Variants in WWP2 observed in about 807,000 individuals in gnomAD.
WWP2 encodes the protein WW domain containing E3 ubiquitin protein ligase 2, also known as NEDD4-like E3 ubiquitin-protein ligase WWP2.
Under a neutral mutation model 121.0 loss-of-function variants are expected in WWP2, and 57 were observed. The ratio of observed to expected loss-of-function variants is 0.47; its 90% CI spans 0.38 to 0.59. The LOEUF (loss-of-function observed/expected upper bound fraction) is 0.59, where lower values mean the gene tolerates loss of function less well. Among genes scored for constraint, WWP2 ranks in the 20% least tolerant of loss-of-function variants. The probability of loss-of-function intolerance (pLI) is 0.00; values close to 1 mark genes in which losing one functional copy is unlikely to be tolerated. For synonymous variants in WWP2, 449 were observed against 441.3 expected (o/e 1.02, Z -0.22); for missense variants, 962 against 1,158.9 (o/e 0.83, Z 2.47).
intron 6 of WWP2, among the ~76,000 whole-genome samples, chr16:69,843,908 G>A (rs1183658556): frequency 6.6e-6 from 1 of 152,068 alleles, no homozygotes; most frequent in Non-Finnish European, 1.5e-5. Flanking sequence ...TAGGGAGGGG[G>A]AATAATGCTT....
chr16:69,869,510 A>G (rs907692678), intron 6 of WWP2, among the ~76,000 whole-genome samples: 3 of 151,304 alleles, frequency 2.0e-5, no homozygotes, highest in African/African-American at 7.3e-5. Context: ...CACCTGGCTA[A>G]TTTTTTAAAT....
intron 9 of WWP2, among the ~76,000 whole-genome samples, chr16:69,915,409 T>C (rs1000542249): frequency 2.0e-5 from 3 of 152,108 alleles, no homozygotes; most frequent in East Asian, 1.9e-4. Context: ...ATAGCAAATA[T>C]GGCAAAAATC....
chr16:69,927,881 C>T (rs1360391035), intron 11 of WWP2, among the ~76,000 whole-genome samples: 1 of 152,170 alleles, frequency 6.6e-6, no homozygotes, highest in Non-Finnish European at 1.5e-5. Flanking sequence ...AGGCTGGTCT[C>T]GAACTCCTGG....
intron 6 of WWP2, among the ~76,000 whole-genome samples, chr16:69,858,575 A>T (rs1191458308): frequency 6.6e-6 from 1 of 151,838 alleles, no homozygotes; most frequent in Non-Finnish European, 1.5e-5. Context: ...CTGGGGTCCC[A>T]CTGCCTGCAC....
intron 6 of WWP2, among the ~76,000 whole-genome samples, chr16:69,846,071 G>A (rs200737728): frequency 0.2 from 9,555 of 46,830 alleles, 6 homozygotes; most frequent in Non-Finnish European, 0.22. Flanking sequence ...AAAAAAAAAA[G>A]AATACTTATC....
chr16:69,807,469 A>T (rs888621692), intron 4 of WWP2, among the ~76,000 whole-genome samples: 1 of 152,008 alleles, frequency 6.6e-6, no homozygotes, highest in African/African-American at 2.4e-5. Flanking sequence ...ATTTAAAAAA[A>T]TTAGCTAGGT....
chr16:69,774,344 C>A (rs910490178), intron 1 of WWP2, among the ~76,000 whole-genome samples: 7 of 152,052 alleles, frequency 4.6e-5, no homozygotes, highest in Non-Finnish European at 1.0e-4. Flanking sequence ...CAGCCTAGAC[C>A]TCCCAGGCTC....
At chr16:69,807,381 A>C (rs1344157387) in intron 4 of WWP2, among the ~76,000 whole-genome samples, 1 of 151,892 alleles carries the variant, frequency 6.6e-6, no homozygotes, top group African/African-American at 2.4e-5. Flanking sequence ...TTTGCTTTGT[A>C]CTTGTCTTTG....
chr16:69,821,132 GTCT>G (rs2056585907), intron 4 of WWP2, among the ~76,000 whole-genome samples: 1 of 152,212 alleles, frequency 6.6e-6, no homozygotes, highest in African/African-American at 2.4e-5. Flanking sequence ...ATTTCAGGCT[GTCT>G]TTAGCGGTCT....
chr16:69,795,102 G>A (rs1367322368), intron 2 of WWP2, among the ~76,000 whole-genome samples: 7 of 152,150 alleles, frequency 4.6e-5, no homozygotes, highest in African/African-American at 1.4e-4. Flanking sequence ...CAGGCGTGGT[G>A]TTGCGCACTG....
intron 1 of WWP2, among the ~76,000 whole-genome samples, chr16:69,778,194 T>A (rs12933062): frequency 0.33 from 36,740 of 111,298 alleles, 6,226 homozygotes; most frequent in Non-Finnish European, 0.45. Flanking sequence ...ATATATATAT[T>A]TTTTTTTTTT....
At chr16:69,871,300 A>G (rs936395927) in intron 6 of WWP2, among the ~76,000 whole-genome samples, 2 of 152,316 alleles carry the variant, frequency 1.3e-5, no homozygotes, top group South Asian at 2.1e-4. Flanking sequence ...GTGAATGACA[A>G]CAACAAAAAG....
intron 6 of WWP2, among the ~76,000 whole-genome samples, chr16:69,853,905 G>A (rs565147677): frequency 1.3e-5 from 2 of 152,300 alleles, no homozygotes; most frequent in Non-Finnish European, 2.9e-5. Flanking sequence ...CATGGTGGTC[G>A]GCTTTGGTGT....
intron 6 of WWP2, among the ~76,000 whole-genome samples, chr16:69,866,800 G>GTATT (rs10525822): frequency 0.017 from 2,369 of 139,636 alleles, 27 homozygotes; most frequent in African/African-American, 0.028. Context: ...TTTCAGTTCC[G>GTATT]TATTTATTTA....
chr16:69,888,659 T>G (rs2057971862), intron 8 of WWP2, among the ~76,000 whole-genome samples: 1 of 152,166 alleles, frequency 6.6e-6, no homozygotes, highest in South Asian at 2.1e-4. Context: ...TGTATGTTAT[T>G]CTCATAATCG....
intron 6 of WWP2, among the ~76,000 whole-genome samples, chr16:69,849,723 G>C (rs527238328): frequency 5.9e-5 from 9 of 151,942 alleles, no homozygotes; most frequent in Non-Finnish European, 8.8e-5. Flanking sequence ...CAGAAGGATC[G>C]CTTGAGGCCA....
intron 8 of WWP2, among the ~76,000 whole-genome samples, chr16:69,892,254 C>T (rs2058040005): frequency 6.6e-6 from 1 of 152,062 alleles, no homozygotes. Context: ...AGTTTCGTTA[C>T]ATAGGTATAC....
chr16:69,768,986 G>T (rs1243906714), intron 1 of WWP2, among the ~76,000 whole-genome samples: 1 of 152,192 alleles, frequency 6.6e-6, no homozygotes, highest in Non-Finnish European at 1.5e-5. Flanking sequence ...AAGAACAGGA[G>T]AATCTTTTGG....
chr16:69,905,237 T>G (rs969926699), intron 8 of WWP2, among the ~76,000 whole-genome samples: 4 of 152,246 alleles, frequency 2.6e-5, no homozygotes, highest in Non-Finnish European at 5.9e-5. Context: ...TTATTTTGTC[T>G]AATGTTTGTC....
Sources: gnomAD v4.1 joint callset for allele counts (sites outside exome capture counted in the v4.1 genomes callset) on GRCh38, gnomAD v4.1.1 for gene constraint, MANE v1.5 for transcripts, NCBI Gene and HGNC (gene_info 2026-07-23, HGNC 2026-07-21) for gene names.